Variants in MEIS1 observed in about 807,000 individuals in gnomAD.
The protein encoded by MEIS1 is Meis homeobox 1.
A neutral mutation model predicts 50.8 loss-of-function variants in MEIS1; 5 were observed. The ratio of observed to expected loss-of-function variants is 0.10; its 90% CI spans 0.05 to 0.21. The LOEUF (loss-of-function observed/expected upper bound fraction) is 0.21, where lower values mean the gene tolerates loss of function less well. MEIS1 is among the 10% of genes least tolerant of loss of function. MEIS1 has a pLI of 1.00. For missense variants in MEIS1, 318 were observed against 517.3 expected (o/e 0.61, Z 3.74); for synonymous variants, 176 against 179.3 (o/e 0.98, Z 0.15).
Position 66,568,770 on chromosome 2 carries a change from T to C in MEIS1, c.1114+14T>C. On this transcript the variant is annotated intron_variant, in intron 11 of 12. Coordinates refer to ENST00000272369, the MANE Select transcript of MEIS1 (RefSeq NM_002398.3). ...TTAGAGCACCAGGTAAGACTTTGTT[T>C]TTGTGGTAGTTCCTCATTTTTGACT... 1.2e-6 allele frequency: 2 copies of C among 1,607,750 alleles called. No homozygotes were observed. Among genetic ancestry groups the C allele is most frequent in the Non-Finnish European group, 1.7e-6 (2 of 1,174,242 alleles).
chr2:66,565,448 T>C (rs1180658647), intron 9 of MEIS1, among the ~76,000 whole-genome samples: 1 of 152,180 alleles, frequency 6.6e-6, no homozygotes, highest in Non-Finnish European at 1.5e-5. Flanking sequence ...TTTTTATATA[T>C]CTATTTAGTC....
intron 5 of MEIS1, 88 bp downstream of exon 5, chr2:66,441,552 T>C: frequency 9.4e-7 from 1 of 1,062,018 alleles, no homozygotes; most frequent in Non-Finnish European, 1.3e-6. Context: ...AGTTCAGCCT[T>C]CTGATACATT....
chr2:66,492,316 A>G (rs1673293421), intron 7 of MEIS1, among the ~76,000 whole-genome samples: 1 of 151,920 alleles, frequency 6.6e-6, no homozygotes, highest in African/African-American at 2.4e-5. Context: ...GGAAAATAGA[A>G]TGTGCCTGCA....
intron 6 of MEIS1, chr2:66,462,003 T>C (rs1325583547): frequency 2.5e-6 from 1 of 406,098 alleles, no homozygotes; most frequent in African/African-American, 2.1e-5. Flanking sequence ...AATTAAGCAT[T>C]GAATTAATCT....
chr2:66,547,690 A>G (rs1674823849), intron 8 of MEIS1, among the ~76,000 whole-genome samples: 2 of 152,200 alleles, frequency 1.3e-5, no homozygotes, highest in Admixed American at 6.5e-5. Flanking sequence ...GTTTGCAACA[A>G]ATAAAGCTGT....
intron 7 of MEIS1, among the ~76,000 whole-genome samples, chr2:66,498,591 A>G (rs760981659): frequency 4.6e-5 from 7 of 152,106 alleles, no homozygotes; most frequent in Non-Finnish European, 7.4e-5. Flanking sequence ...TCTTAGAGAT[A>G]CCCATGAGGT....
chr2:66,441,222 GTTTT>G (rs530256249), intron 4 of MEIS1, among the ~76,000 whole-genome samples, 188 bp from the exon 5 acceptor site: 2 of 148,628 alleles, frequency 1.3e-5, no homozygotes, highest in Non-Finnish European at 3.0e-5. Flanking sequence ...GTTTTAGCTA[GTTTT>G]TTTTTTCTTA....
At chr2:66,525,578 T>A (rs1231172518) in intron 8 of MEIS1, among the ~76,000 whole-genome samples, 1 of 152,244 alleles carries the variant, frequency 6.6e-6, no homozygotes, top group Non-Finnish European at 1.5e-5. Context: ...ACTTTCAATG[T>A]TTTTTAAGCA....
intron 5 of MEIS1, among the ~76,000 whole-genome samples, chr2:66,442,270 T>TAAA (rs11292294): frequency 5.2e-4 from 59 of 114,540 alleles, no homozygotes; most frequent in Admixed American, 4.0e-3. Flanking sequence ...CTCCTTTTTG[T>TAAA]AAAAAAAAAA....
Position 66,571,594 on chromosome 2 carries a change from T to C in MEIS1, c.*386T>C. 1 of 1,532,340 alleles carries C rather than the reference T, an allele frequency of 6.5e-7. No individual in the cohort carries two copies. Among genetic ancestry groups the C allele is most frequent in the Non-Finnish European group, 8.8e-7 (1 of 1,131,986 alleles). 94.9% of individuals were successfully genotyped at this position (1,532,340 alleles called of 1,614,324 possible). On this transcript the variant is annotated 3_prime_UTR_variant, in exon 13 of 13. Transcript: ENST00000272369. ...CAAATCATGTTTTTTCTGCAATGACTGTGGAGTTCCATTCTTGGCATCTAC... is the reference window on the plus strand; with the variant it reads ...CAAATCATGTTTTTTCTGCAATGACCGTGGAGTTCCATTCTTGGCATCTAC...
rs192150209 is a variant in MEIS1 at position 66,549,567 on chromosome 2, C to T, written c.965+1548C>T. 1.8e-3 allele frequency among the ~76,000 whole-genome samples: 270 copies of T among 151,576 alleles called. 1 individual carries two copies. The highest frequency in any genetic ancestry group is 0.015 in the Admixed American group (231 of 15,220). ...TCCTGGATGATATTATAGGGGAGAC[C>T]ATCAATTTTGCGTGCACATCTAGAT... On this transcript the variant is annotated intron_variant, in intron 9 of 12. Coordinates refer to ENST00000272369, the MANE Select transcript of MEIS1 (RefSeq NM_002398.3).
chr2:66,474,274 G>A (rs925772418), intron 7 of MEIS1, among the ~76,000 whole-genome samples: 1 of 152,124 alleles, frequency 6.6e-6, no homozygotes, highest in African/African-American at 2.4e-5. Flanking sequence ...TGGATGCCAG[G>A]AGCAGCATCT....
intron 8 of MEIS1, among the ~76,000 whole-genome samples, chr2:66,538,768 C>T (rs1674578266): frequency 6.6e-6 from 1 of 152,196 alleles, no homozygotes; most frequent in African/African-American, 2.4e-5. Flanking sequence ...GCGAAACACA[C>T]ACCCCAATTT....
At chr2:66,552,120 G>C (rs1674936581) in intron 9 of MEIS1, among the ~76,000 whole-genome samples, 1 of 152,004 alleles carries the variant, frequency 6.6e-6, no homozygotes. Context: ...TTGAAAATGT[G>C]AGTGTAGAAT....
chr2:66,567,048 A>G lies in MEIS1; in HGVS notation c.966-405A>G, dbSNP rs115935695. ...AATTGTACAAAAGAAGTCAGAGAAC[A>G]TAAGATTGAAATGTCACTAATTAGG... On this transcript the variant is annotated intron_variant, in intron 9 of 12. Coordinates refer to ENST00000272369, the MANE Select transcript of MEIS1 (RefSeq NM_002398.3). 9.4e-3 allele frequency among the ~76,000 whole-genome samples: 1,432 copies of G among 152,306 alleles called. 21 individuals carry two copies. Among genetic ancestry groups the G allele is most frequent in the African/African-American group, 0.033 (1,355 of 41,562 alleles).
At chr2:66,522,648 C>T in intron 8 of MEIS1, among the ~76,000 whole-genome samples, 1 of 152,166 alleles carries the variant, frequency 6.6e-6, no homozygotes, top group Non-Finnish European at 1.5e-5. Context: ...CTTGGCTCCC[C>T]AGTGAAAAGG....
intron 6 of MEIS1, among the ~76,000 whole-genome samples, chr2:66,457,195 T>C (rs865899780): frequency 1.3e-5 from 2 of 151,662 alleles, no homozygotes; most frequent in South Asian, 2.1e-4. Flanking sequence ...TCCACATAAC[T>C]TTTTTTCCAG....
chr2:66,440,341 T>C (rs1671938154), intron 3 of MEIS1: 5 of 607,480 alleles, frequency 8.2e-6, no homozygotes, highest in Non-Finnish European at 1.5e-5. Context: ...TAGTTGCTAG[T>C]AGAAGTAAGA....
At chr2:66,467,239 G>A (rs1281873060) in intron 7 of MEIS1, among the ~76,000 whole-genome samples, 1 of 152,192 alleles carries the variant, frequency 6.6e-6, no homozygotes, top group East Asian at 1.9e-4. Context: ...TGCTGAATTA[G>A]TAGCTGTTGT....
Sources: allele counts gnomAD v4.1 joint callset (sites outside exome capture counted in the v4.1 genomes callset), GRCh38; gene constraint gnomAD v4.1.1; transcripts MANE v1.5; gene names NCBI Gene and HGNC (gene_info 2026-07-23, HGNC 2026-07-21).